The following SYCE1L variants were observed in gnomAD, a reference collection of about 807,000 sequenced individuals.
SYCE1L encodes synaptonemal complex central element protein 1-like.
In SYCE1L, 51 loss-of-function variants were observed where a neutral mutation model predicts 39.6. That is an observed-to-expected ratio of 1.29 (90% CI 1.03 to 1.63). The LOEUF (loss-of-function observed/expected upper bound fraction) is 1.63. Ranked by LOEUF, SYCE1L falls within the 40% of genes most tolerant of loss-of-function variation. SYCE1L has a pLI of 0.00. For missense variants in SYCE1L, 426 were observed against 304.9 expected, an observed-to-expected ratio of 1.40 and a Z score of -2.96; for synonymous variants, 147 against 122.4, an observed-to-expected ratio of 1.20 and a Z score of -1.33.
At chr16:77,199,606 C>A in intron 1 of SYCE1L, 94 bp downstream of exon 1, 1 of 1,052,288 alleles carries the variant, frequency 9.5e-7, no homozygotes, top group Non-Finnish European at 1.4e-6. Context: ...TAATGATATT[C>A]TAATTTTTTT....
rs1219059428 is a variant in SYCE1L, at chr16:77,212,206, C to T, written c.493+7C>T. 1.3e-6 allele frequency: 2 copies of T among 1,546,424 alleles called. No individual in the cohort carries two copies. The highest frequency in any genetic ancestry group is 1.2e-5 in the South Asian group (1 of 83,826). Reference sequence around the variant, plus strand: ...GAGCAGCTGCTCTCGGAGAGTGAGCCTCCCGCGCCAGGTGGGCGGGGGGAG... The same window carrying T: ...GAGCAGCTGCTCTCGGAGAGTGAGCTTCCCGCGCCAGGTGGGCGGGGGGAG... On this transcript the variant is annotated splice_region_variant and intron_variant, in intron 8 of 10. Transcript: ENST00000378644.
intron 1 of SYCE1L, chr16:77,200,512 T>G (rs2054727867): frequency 6.6e-6 from 1 of 150,818 alleles, no homozygotes. Flanking sequence ...TCCCAGCACT[T>G]TGGAAGGCCG....
intron 2 of SYCE1L, 100 bp downstream of exon 2, chr16:77,206,600 C>A: frequency 8.7e-7 from 1 of 1,147,620 alleles, no homozygotes; most frequent in Non-Finnish European, 1.3e-6. Flanking sequence ...AGGAAATTAT[C>A]CCATTGCACT....
At chr16:77,202,302 GA>G (rs1567424130) in intron 1 of SYCE1L, 1 of 152,158 alleles carries the variant, frequency 6.6e-6, no homozygotes, top group Non-Finnish European at 1.5e-5. Context: ...TCACAAATGG[GA>G]AATCTGATAT....
chr16:77,205,924 C>G (rs1288154822), intron 1 of SYCE1L, among the ~76,000 whole-genome samples: 2 of 152,056 alleles, frequency 1.3e-5, no homozygotes, highest in Admixed American at 1.3e-4. Flanking sequence ...AATAAAAATC[C>G]TTTGAGCTGG....
chr16:77,200,291 T>TAGAC, intron 1 of SYCE1L: 1 of 111,424 alleles, frequency 9.0e-6, no homozygotes, highest in African/African-American at 3.4e-5. Flanking sequence ...TATATATATA[T>TAGAC]ACACACACTA....
At chr16:77,208,590 A>G (rs2054802137) in intron 4 of SYCE1L, 51 bp downstream of exon 4, 1 of 1,527,104 alleles carries the variant, frequency 6.5e-7, no homozygotes, top group Non-Finnish European at 8.9e-7. Flanking sequence ...GTTCCTGTGC[A>G]TACCTCAGGG....
In SYCE1L at chr16:77,208,447, T is replaced by C; in HGVS notation, c.182-18T>C. 6.4e-7 allele frequency: 1 copy of C among 1,551,710 alleles called. No individual in the cohort carries two copies. The highest frequency in any genetic ancestry group is 8.7e-7 in the Non-Finnish European group (1 of 1,146,992). On this transcript the variant is annotated intron_variant, in intron 3 of 10. Coordinates refer to ENST00000378644, the MANE Select transcript of SYCE1L (RefSeq NM_001129979.3). ...AGAGACTACACTCATACAGTGTCTTTTTCCCTTCTTGGCCCAGCAAAGAAG... is the reference window on the plus strand; with the variant it reads ...AGAGACTACACTCATACAGTGTCTTCTTCCCTTCTTGGCCCAGCAAAGAAG...
intron 10 of SYCE1L, 35 bp from the exon 11 acceptor site, chr16:77,212,822 G>C: frequency 1.4e-6 from 2 of 1,451,898 alleles, no homozygotes; most frequent in Non-Finnish European, 1.8e-6. Flanking sequence ...AGGAGCGTAG[G>C]AACCTGGTCC....
chr16:77,206,999 C>A (rs12446458), intron 2 of SYCE1L, among the ~76,000 whole-genome samples: 15,998 of 152,190 alleles, frequency 0.11, 985 homozygotes, highest in Middle Eastern at 0.25. Flanking sequence ...TCTTAAAATA[C>A]TATCACGTCA....
Position 77,212,205 on chromosome 16 carries a change from C to T in SYCE1L, c.493+6C>T. 6.5e-7 allele frequency: 1 copy of T among 1,546,194 alleles called. No individual in the cohort carries two copies. The highest frequency in any genetic ancestry group is 8.7e-7 in the Non-Finnish European group (1 of 1,145,016). On this transcript the variant is annotated splice_donor_region_variant and intron_variant, in intron 8 of 10. Coordinates refer to ENST00000378644, the MANE Select transcript of SYCE1L (RefSeq NM_001129979.3). ...GGAGCAGCTGCTCTCGGAGAGTGAG[C>T]CTCCCGCGCCAGGTGGGCGGGGGGA...
intron 1 of SYCE1L, chr16:77,200,762 A>AG (rs2054732307): frequency 2.9e-5 from 3 of 103,324 alleles, no homozygotes; most frequent in Admixed American, 2.8e-4. Flanking sequence ...AAAAAAAAAA[A>AG]AAAGAAAAAA....
chr16:77,202,156 T>C (rs1029744990), intron 1 of SYCE1L: 11 of 152,238 alleles, frequency 7.2e-5, no homozygotes, highest in African/African-American at 2.7e-4. Flanking sequence ...ATATTCATAT[T>C]GGATCAGTAT....
intron 1 of SYCE1L, among the ~76,000 whole-genome samples, chr16:77,204,340 A>T (rs922693263): frequency 6.6e-6 from 1 of 152,210 alleles, no homozygotes; most frequent in African/African-American, 2.4e-5. Context: ...AATGTGACTT[A>T]TTTGGAAGTA....
At position 77,206,741 on chromosome 16, in the gene SYCE1L, T is replaced by G. The variant is rs1427709395; in HGVS notation, c.121+241T>G. 2.6e-5 allele frequency among the ~76,000 whole-genome samples: 4 copies of G among 151,782 alleles called. No homozygotes were observed. The East Asian group carries it at 7.8e-4, about 30-fold the overall frequency. ...ACTCCCTCCCCCCACACACCAGTCA[T>G]CTATTTCCCTGACTCATGGGCAAGC... is the stretch of plus-strand genomic sequence containing the variant. On this transcript the variant is annotated intron_variant, in intron 2 of 10. Coordinates refer to ENST00000378644, the MANE Select transcript of SYCE1L (RefSeq NM_001129979.3).
chr16:77,212,394 C>T (rs1026472873), intron 9 of SYCE1L, 25 bp downstream of exon 9: 12 of 1,525,058 alleles, frequency 7.9e-6, no homozygotes, highest in Admixed American at 4.4e-5. Flanking sequence ...GAGGAGTGGG[C>T]GAGGAGGGCA....
chr16:77,200,254 GTGTATATATATA>G (rs2054719702), intron 1 of SYCE1L: 4 of 84,386 alleles, frequency 4.7e-5, no homozygotes, highest in African/African-American at 7.8e-5. Flanking sequence ...ATATGTATAT[GTGTATATATATA>G]TATATGTGTA....
intron 7 of SYCE1L, among the ~76,000 whole-genome samples, chr16:77,211,503 T>G (rs2142520775): frequency 6.6e-6 from 1 of 152,258 alleles, no homozygotes; most frequent in East Asian, 1.9e-4. Context: ...ACGGGTGCAG[T>G]ACCATTGTGA....
In SYCE1L at chr16:77,212,611, C is replaced by A. The variant is rs1014805881; in HGVS notation, c.619C>A (p.Arg207=). ...GCTGGAGATATTCGGGGAGCAGGTC[C>A]GGAGCGCCCCCGAGGTCGGGGCCGG... ...AELEIFGEQV[R]SAPEVGAGEG... Residue 207 remains arginine, a synonymous_variant, in exon 10 of 11, where the codon CGG becomes AGG. Transcript: ENST00000378644. 6.2e-5 allele frequency: 95 copies of A among 1,535,748 alleles called. No homozygotes were observed. Among genetic ancestry groups the A allele is most frequent in the African/African-American group, 1.8e-4 (13 of 72,986 alleles).
Sources: gnomAD v4.1 joint callset for allele counts (sites outside exome capture counted in the v4.1 genomes callset) on GRCh38, gnomAD v4.1.1 for gene constraint, MANE v1.5 for transcripts, NCBI Gene and HGNC (gene_info 2026-07-23, HGNC 2026-07-21) for gene names.